Variants in ATP10B observed in about 807,000 individuals in gnomAD.
ATP10B encodes the protein ATPase phospholipid transporting 10B (putative), also known as phospholipid-transporting ATPase VB.
ATP10B carries 122 observed loss-of-function variants against 141.2 expected under a neutral mutation model. The observed-to-expected ratio is 0.86, with a 90% CI of 0.75 to 1.00. ATP10B has a LOEUF of 1.00. ATP10B is among the 50% of genes least tolerant of loss of function. The probability of loss-of-function intolerance (pLI) is 0.00; values close to 1 mark genes in which losing one functional copy is unlikely to be tolerated. For missense variants in ATP10B, 1,876 were observed against 1,825.3 expected (o/e 1.03, Z -0.51); for synonymous variants, 685 against 692.0 (o/e 0.99, Z 0.16).
intron 9 of ATP10B, among the ~76,000 whole-genome samples, chr5:160,642,705 C>T (rs370507958): frequency 4.6e-5 from 7 of 152,274 alleles, no homozygotes; most frequent in East Asian, 3.9e-4. Flanking sequence ...CATAGTTTTG[C>T]GGGCCTGATG....
the ATP10B span, among the ~76,000 whole-genome samples, chr5:160,892,986 T>G: frequency 6.6e-6 from 1 of 152,148 alleles, no homozygotes; most frequent in South Asian, 2.1e-4. Flanking sequence ...TGTGAGGGAC[T>G]GTGCCATGAT....
chr5:160,893,911 G>C, the ATP10B span, among the ~76,000 whole-genome samples: 1 of 152,200 alleles, frequency 6.6e-6, no homozygotes, highest in East Asian at 1.9e-4. Context: ...AGGGTCTGGA[G>C]TGGACCTCCA....
chr5:160,770,628 TTGGTAGTACACA>T (rs1368838595), intron 2 of ATP10B, among the ~76,000 whole-genome samples: 4 of 152,198 alleles, frequency 2.6e-5, no homozygotes, highest in Admixed American at 2.6e-4. Context: ...ATTTTTATCT[TTGGTAGTACACA>T]TGGTAATTTT....
At chr5:160,811,757 G>T (rs1773168566) in intron 1 of ATP10B, among the ~76,000 whole-genome samples, 1 of 152,146 alleles carries the variant, frequency 6.6e-6, no homozygotes, top group Admixed American at 6.5e-5. Flanking sequence ...CCCACCAAGG[G>T]CCTGGGGGAA....
chr5:160,680,111 G>T (rs1763278182), intron 6 of ATP10B, among the ~76,000 whole-genome samples: 1 of 151,976 alleles, frequency 6.6e-6, no homozygotes, highest in African/African-American at 2.4e-5. Flanking sequence ...TTTCCTCACA[G>T]TATAAACAAG....
the ATP10B span, among the ~76,000 whole-genome samples, chr5:160,886,627 G>T: frequency 6.6e-6 from 1 of 152,256 alleles, no homozygotes; most frequent in African/African-American, 2.4e-5. Context: ...GGATCTAGAC[G>T]CAAGAATTGG....
intron 10 of ATP10B, among the ~76,000 whole-genome samples, chr5:160,636,888 C>A (rs542868044): frequency 6.6e-6 from 1 of 151,928 alleles, no homozygotes; most frequent in Admixed American, 6.5e-5. Flanking sequence ...ATTTATCCAT[C>A]CATCCTTCCA....
the ATP10B span, among the ~76,000 whole-genome samples, chr5:160,862,666 G>T: frequency 2.0e-5 from 3 of 151,658 alleles, no homozygotes; most frequent in Non-Finnish European, 4.4e-5. Context: ...CCCAAAAGAG[G>T]GTATTTACCA....
intron 2 of ATP10B, among the ~76,000 whole-genome samples, chr5:160,750,385 C>T (rs536550592): frequency 6.6e-6 from 1 of 152,330 alleles, no homozygotes; most frequent in Admixed American, 6.5e-5. Flanking sequence ...TCCTCCATCA[C>T]TGACTCCTGT....
chr5:160,760,263 G>A (rs559698376), intron 2 of ATP10B, among the ~76,000 whole-genome samples: 40 of 152,278 alleles, frequency 2.6e-4, no homozygotes, highest in African/African-American at 9.1e-4. Flanking sequence ...AGCAAAAGGA[G>A]GTGTGACCGG....
chr5:160,679,138 T>G (rs1763221264), intron 6 of ATP10B, among the ~76,000 whole-genome samples: 1 of 152,204 alleles, frequency 6.6e-6, no homozygotes, highest in African/African-American at 2.4e-5. Context: ...CTTCCTCCCT[T>G]GTAGGTTTCC....
At chr5:160,809,366 A>AT (rs1332468644) in intron 1 of ATP10B, among the ~76,000 whole-genome samples, 1 of 152,204 alleles carries the variant, frequency 6.6e-6, no homozygotes, top group African/African-American at 2.4e-5. Context: ...ATCTATGGCC[A>AT]CTAGAAAGAT....
chr5:160,658,135 G>A (rs1461737255), intron 7 of ATP10B, among the ~76,000 whole-genome samples: 3 of 152,214 alleles, frequency 2.0e-5, no homozygotes, highest in Non-Finnish European at 4.4e-5. Flanking sequence ...TGTCACCTCT[G>A]CTGATAAACC....
intron 24 of ATP10B, among the ~76,000 whole-genome samples, chr5:160,582,900 GT>G (rs1357841707): frequency 2.6e-5 from 4 of 152,070 alleles, no homozygotes; most frequent in African/African-American, 9.7e-5. Flanking sequence ...GCTTCACAAA[GT>G]TCCCATACTG....
chr5:160,663,116 A>G (rs557630485), intron 7 of ATP10B, among the ~76,000 whole-genome samples: 3 of 152,210 alleles, frequency 2.0e-5, no homozygotes, highest in South Asian at 4.2e-4. Flanking sequence ...TTAGAATGGC[A>G]ATCATTAAAA....
chr5:160,881,767 C>T, the ATP10B span, among the ~76,000 whole-genome samples: 10 of 152,026 alleles, frequency 6.6e-5, no homozygotes, highest in Middle Eastern at 3.4e-3. Context: ...GAGGAGATGG[C>T]GCCACTGCAC....
At chr5:160,670,359 T>G in intron 7 of ATP10B, 104 bp downstream of exon 7, 4 of 1,088,036 alleles carry the variant, frequency 3.7e-6, no homozygotes, top group Non-Finnish European at 4.1e-6. Context: ...AGGAGGCATC[T>G]ACTACTTTCC....
At chr5:160,735,233 A>T (rs1022093894) in intron 2 of ATP10B, among the ~76,000 whole-genome samples, 1 of 151,936 alleles carries the variant, frequency 6.6e-6, no homozygotes, top group Non-Finnish European at 1.5e-5. Context: ...CTAAAAAAAA[A>T]AATCTGCTGC....
chr5:160,719,811 T>G (rs968146270), intron 2 of ATP10B, among the ~76,000 whole-genome samples: 1 of 152,222 alleles, frequency 6.6e-6, no homozygotes, highest in African/African-American at 2.4e-5. Flanking sequence ...ATTACCATTT[T>G]CCAATGAAGA....
Sources: gnomAD v4.1 joint callset for allele counts (sites outside exome capture counted in the v4.1 genomes callset) on GRCh38, gnomAD v4.1.1 for gene constraint, MANE v1.5 for transcripts, NCBI Gene and HGNC (gene_info 2026-07-23, HGNC 2026-07-21) for gene names.